The following CNTN5 variants were observed in gnomAD, a reference collection of about 807,000 sequenced individuals.
CNTN5 encodes contactin 5.
Under a neutral mutation model 129.1 loss-of-function variants are expected in CNTN5, and 77 were observed. That is an observed-to-expected ratio of 0.60 (90% confidence interval 0.50 to 0.72). CNTN5 has a LOEUF of 0.72. Ranked by LOEUF, CNTN5 falls within the 30% of genes least tolerant of loss-of-function variation. The pLI is 0.00. For missense variants in CNTN5, 1,478 were observed against 1,328.8 expected, an observed-to-expected ratio of 1.11 and a Z score of -1.75; for synonymous variants, 509 against 465.6, an observed-to-expected ratio of 1.09 and a Z score of -1.20.
rs188172311 is a variant in CNTN5 at position 100,129,977 on chromosome 11, A to C, written c.1580+55683A>C. On this transcript the variant is annotated intron_variant, in intron 13 of 24. Transcript: ENST00000524871. ...TTTAACCTGATTAGTACAACTTTCCAAAATAGGAATATAGACTGGAAATCA... is the reference window on the plus strand; with the variant it reads ...TTTAACCTGATTAGTACAACTTTCCCAAATAGGAATATAGACTGGAAATCA... 4.5e-3 allele frequency among the ~76,000 whole-genome samples: 684 copies of C among 152,228 alleles called. 1 individual carries two copies. Among genetic ancestry groups the C allele is most frequent in the Middle Eastern group, 0.024 (7 of 294 alleles).
At chr11:99,781,322 T>A (rs1009998304) in intron 3 of CNTN5, among the ~76,000 whole-genome samples, 1 of 152,038 alleles carries the variant, frequency 6.6e-6, no homozygotes, top group Non-Finnish European at 1.5e-5. Flanking sequence ...GCACTTATAT[T>A]TTGTGAAATG....
At chr11:99,435,966 G>C (rs2656162) in intron 2 of CNTN5, among the ~76,000 whole-genome samples, 4 of 152,230 alleles carry the variant, frequency 2.6e-5, no homozygotes, top group African/African-American at 9.6e-5. Context: ...TAAAAAGGTC[G>C]TATTCAACTT....
chr11:99,141,438 C>A (rs1232988090), intron 1 of CNTN5, among the ~76,000 whole-genome samples: 1 of 151,942 alleles, frequency 6.6e-6, no homozygotes, highest in Non-Finnish European at 1.5e-5. Context: ...AGTGGTCTAT[C>A]AATCTTATTC....
chr11:100,209,231 T>G lies in CNTN5; in HGVS notation c.1885-15461T>G, dbSNP rs539540595. ...TATCATTTTGATACTAAACTAAAAT[T>G]TAGATTTTATGTGTGGTGTGATGTG... On this transcript the variant is annotated intron_variant, in intron 15 of 24. Transcript: ENST00000524871. Among the ~76,000 whole-genome samples, 9 of 152,258 alleles carry G rather than the reference T, an allele frequency of 5.9e-5. No individual in the cohort carries two copies. In the East Asian group the frequency reaches 1.4e-3, roughly 23 times the overall value.
rs146827497 is a variant in CNTN5 at position 99,531,529 on chromosome 11, T to C, written c.-70-24616T>C. ...TCCCCAAGACCATGAGGAAAATATC[T>C]CCAGGCCATGCCAGAGACTTCATAG... On this transcript the variant is annotated intron_variant, in intron 2 of 24. Coordinates refer to ENST00000524871, the MANE Select transcript of CNTN5 (RefSeq NM_014361.4). Among the ~76,000 whole-genome samples, 1,304 of 152,200 alleles carry C rather than the reference T, an allele frequency of 8.6e-3. 16 individuals are homozygous for C. The highest frequency in any genetic ancestry group is 0.029 in the African/African-American group (1,225 of 41,534).
At position 99,425,634 on chromosome 11, in the gene CNTN5, G is replaced by A. The variant is rs562414231; in HGVS notation, c.-71+100150G>A. On this transcript the variant is annotated intron_variant, in intron 2 of 24. Transcript: ENST00000524871. ...CTGTGCACTGGAGCAGGTGCCAGGA[G>A]CAGAGAAAGAGGCCAGAGAGTGGGA... 2.0e-5 allele frequency among the ~76,000 whole-genome samples: 3 copies of A among 152,352 alleles called. No individual in the cohort carries two copies. The South Asian group carries it at 6.2e-4, about 32-fold the overall frequency.
intron 10 of CNTN5, among the ~76,000 whole-genome samples, chr11:100,061,949 A>G (rs925261927): frequency 6.6e-6 from 1 of 152,210 alleles, no homozygotes; most frequent in African/African-American, 2.4e-5. Flanking sequence ...GCCTAAATTA[A>G]TACATCTGTA....
intron 3 of CNTN5, among the ~76,000 whole-genome samples, chr11:99,772,135 A>G (rs748867988): frequency 2.9e-4 from 44 of 151,862 alleles, no homozygotes; most frequent in Non-Finnish European, 5.9e-4. Context: ...ATTGTGAGAA[A>G]AATTTTTCTA....
intron 15 of CNTN5, among the ~76,000 whole-genome samples, chr11:100,215,133 A>AAT: frequency 6.6e-6 from 1 of 152,184 alleles, no homozygotes; most frequent in South Asian, 2.1e-4. Flanking sequence ...TTCTCTCTTT[A>AAT]TCTATGTAAT....
intron 3 of CNTN5, among the ~76,000 whole-genome samples, chr11:99,721,012 T>C (rs1565460227): frequency 2.0e-5 from 3 of 152,000 alleles, no homozygotes; most frequent in Admixed American, 1.3e-4. Context: ...TGGAAAAACA[T>C]CCTATTTTCA....
chr11:99,775,164 T>C (rs1200660544), intron 3 of CNTN5, among the ~76,000 whole-genome samples: 1 of 152,084 alleles, frequency 6.6e-6, no homozygotes, highest in Middle Eastern at 3.2e-3. Context: ...TGCTTAGCCA[T>C]AAAAAGATTT....
chr11:99,993,715 C>A (rs1939270193), intron 8 of CNTN5, among the ~76,000 whole-genome samples: 1 of 152,036 alleles, frequency 6.6e-6, no homozygotes, highest in Non-Finnish European at 1.5e-5. Flanking sequence ...GGCCACAGAC[C>A]ACTGCAGGTC....
chr11:99,391,117 A>G (rs890644235), intron 2 of CNTN5, among the ~76,000 whole-genome samples: 1 of 152,022 alleles, frequency 6.6e-6, no homozygotes, highest in African/African-American at 2.4e-5. Flanking sequence ...AATTTCTAAA[A>G]CTCCAAGTTT....
chr11:99,931,647 C>T (rs1223733309), intron 7 of CNTN5, among the ~76,000 whole-genome samples: 1 of 152,168 alleles, frequency 6.6e-6, no homozygotes, highest in Non-Finnish European at 1.5e-5. Context: ...ATAACTGGTT[C>T]CCATTAGTGG....
intron 9 of CNTN5, among the ~76,000 whole-genome samples, chr11:100,002,407 A>G (rs1355113677): frequency 6.6e-6 from 1 of 152,150 alleles, no homozygotes; most frequent in African/African-American, 2.4e-5. Context: ...TTACCTATGT[A>G]TCTTAAAATT....
chr11:99,838,807 C>A (rs1947385679), intron 4 of CNTN5, among the ~76,000 whole-genome samples: 1 of 152,020 alleles, frequency 6.6e-6, no homozygotes, highest in Non-Finnish European at 1.5e-5. Flanking sequence ...GAGGGAGTGA[C>A]CCACGAGGAA....
rs554466401 is a variant in CNTN5 at position 99,468,712 on chromosome 11, T to C, written c.-70-87433T>C. The stretch of plus-strand genomic sequence containing the variant: ...CAGTGGAGATTTCAAAGAGGCTGCA[T>C]TGATGTTTATTGTTAGAAACTTTTT... On this transcript the variant is annotated intron_variant, in intron 2 of 24. Coordinates refer to ENST00000524871, the MANE Select transcript of CNTN5 (RefSeq NM_014361.4). Among the ~76,000 whole-genome samples, 206 of 151,764 alleles carry C rather than the reference T, an allele frequency of 1.4e-3. 4 individuals are homozygous for C. The highest frequency in any genetic ancestry group is 6.8e-4 in the Non-Finnish European group (46 of 67,930).
intron 1 of CNTN5, among the ~76,000 whole-genome samples, chr11:99,036,489 A>C (rs1313391886): frequency 6.6e-6 from 1 of 152,160 alleles, no homozygotes; most frequent in African/African-American, 2.4e-5. Flanking sequence ...ATTTATATGA[A>C]TAGTTCCTCA....
chr11:99,439,436 G>A (rs920394451), intron 2 of CNTN5, among the ~76,000 whole-genome samples: 6 of 151,938 alleles, frequency 3.9e-5, no homozygotes, highest in African/African-American at 7.2e-5. Context: ...AGACAGGCGC[G>A]GTGGCTCACG....
Sources: allele counts gnomAD v4.1 joint callset (sites outside exome capture counted in the v4.1 genomes callset), GRCh38; gene constraint gnomAD v4.1.1; transcripts MANE v1.5; gene names NCBI Gene and HGNC (gene_info 2026-07-23, HGNC 2026-07-21).